SLC18A2: variants seen among roughly 807,000 people sequenced by gnomAD.
The protein encoded by SLC18A2 is solute carrier family 18 member A2, also known as synaptic vesicular amine transporter.
Under a neutral mutation model 59.2 loss-of-function variants are expected in SLC18A2, and 33 were observed. That is an observed-to-expected ratio of 0.56 (90% confidence interval 0.42 to 0.75). SLC18A2 has a LOEUF of 0.75. Ranked by LOEUF, SLC18A2 falls within the 30% of genes least tolerant of loss-of-function variation. SLC18A2 has a pLI of 0.00. For missense variants in SLC18A2, 569 were observed against 668.6 expected, an observed-to-expected ratio of 0.85 and a Z score of 1.64; for synonymous variants, 228 against 253.5, an observed-to-expected ratio of 0.90 and a Z score of 0.95.
intron 9 of SLC18A2, among the ~76,000 whole-genome samples, chr10:117,256,536 A>G (rs1844233197): frequency 6.6e-6 from 1 of 152,190 alleles, no homozygotes; most frequent in African/African-American, 2.4e-5. Flanking sequence ...GCCTGGGAGA[A>G]CTGGGCACCA....
In SLC18A2 at chr10:117,260,148, C is replaced by T. The variant is rs552515609; in HGVS notation, c.991+2256C>T. ...TTGTTATTGCAAAAACACCCTCCCA[C>T]CATGTTCCTGTTTCAGCCTCTTGTG... is the stretch of plus-strand genomic sequence containing the variant. On this transcript the variant is annotated intron_variant, in intron 10 of 15. Transcript: ENST00000644641. 3.3e-5 allele frequency among the ~76,000 whole-genome samples: 5 copies of T among 152,330 alleles called. No individual in the cohort carries two copies. In the South Asian group the frequency reaches 1.0e-3, roughly 32 times the overall value.
chr10:117,241,980 G>C (rs1397053251), intron 2 of SLC18A2, 166 bp downstream of exon 2: 2 of 610,506 alleles, frequency 3.3e-6, no homozygotes, highest in Non-Finnish European at 2.7e-6. Context: ...GCCGGGGCTA[G>C]GAGGAGCCGC....
chr10:117,252,305 C>T (rs560978125), intron 3 of SLC18A2, among the ~76,000 whole-genome samples: 2 of 151,796 alleles, frequency 1.3e-5, no homozygotes, highest in African/African-American at 4.8e-5. Context: ...TTTATTAAAG[C>T]CTGGAATGGA....
chr10:117,265,642 C>G (rs1198074749), intron 10 of SLC18A2, among the ~76,000 whole-genome samples: 2 of 152,100 alleles, frequency 1.3e-5, no homozygotes, highest in Non-Finnish European at 2.9e-5. Flanking sequence ...GTGGACAATT[C>G]CCCTGTAGCC....
At chr10:117,242,051 GAAC>G in intron 2 of SLC18A2, 1 of 398,626 alleles carries the variant, frequency 2.5e-6, no homozygotes, top group African/African-American at 2.1e-5. Context: ...ATAAGACCCA[GAAC>G]TTATGTTTCC....
intron 5 of SLC18A2, 66 bp from the exon 6 acceptor site, chr10:117,254,339 G>T: frequency 7.3e-7 from 1 of 1,378,630 alleles, no homozygotes; most frequent in South Asian, 1.3e-5. Flanking sequence ...GAGGGAAGGC[G>T]AGTCACGCAT....
At chr10:117,274,331 G>A (rs1844460831) in intron 15 of SLC18A2, among the ~76,000 whole-genome samples, 1 of 152,174 alleles carries the variant, frequency 6.6e-6, no homozygotes, top group Non-Finnish European at 1.5e-5. Context: ...AGTTAAGTAT[G>A]CATGATGCCA....
In SLC18A2 at chr10:117,257,912, CTTCTGATTCAAGAGCA is replaced by C; in HGVS notation, c.991+23_991+38del. On this transcript the variant is annotated intron_variant, in intron 10 of 15. Coordinates refer to ENST00000644641, the MANE Select transcript of SLC18A2 (RefSeq NM_003054.6). ...AGCTGGGTAAGGACTGGGGTGGGCT[CTTCTGATTCAAGAGCA>C]TTTGTCCCCAGGGCAGCCTTTGTCC... is the stretch of plus-strand genomic sequence containing the variant. 1 of 1,556,482 alleles carries C rather than the reference CTTCTGATTCAAGAGCA, an allele frequency of 6.4e-7. No homozygotes were observed.
intron 15 of SLC18A2, among the ~76,000 whole-genome samples, chr10:117,276,787 G>A (rs898897139): frequency 3.9e-5 from 6 of 152,070 alleles, no homozygotes; most frequent in African/African-American, 1.4e-4. Context: ...TTGCTACAAT[G>A]ACGTCTGTAA....
chr10:117,257,513 T>C (rs1844243888), intron 9 of SLC18A2, among the ~76,000 whole-genome samples: 1 of 152,120 alleles, frequency 6.6e-6, no homozygotes, highest in Non-Finnish European at 1.5e-5. Context: ...CCTTTCTTCA[T>C]TGATAAAACC....
rs2283141 is a variant in SLC18A2 at position 117,259,870 on chromosome 10, A to G, written c.991+1978A>G. Among the ~76,000 whole-genome samples, 703 of 152,324 alleles carry G rather than the reference A, an allele frequency of 4.6e-3. 37 individuals carry two copies. In the East Asian group the frequency reaches 0.12, roughly 26 times the overall value. The stretch of plus-strand genomic sequence containing the variant: ...CCTTTCACTTGGGGAACCCCATGTT[A>G]CAATTCTGGGGAGACTCTTTGTATT... On this transcript the variant is annotated intron_variant, in intron 10 of 15. Coordinates refer to ENST00000644641, the MANE Select transcript of SLC18A2 (RefSeq NM_003054.6).
At chr10:117,267,462 T>C in intron 12 of SLC18A2, 1 of 466,468 alleles carries the variant, frequency 2.1e-6, no homozygotes, top group Non-Finnish European at 3.9e-6. Context: ...GGTGACAAGT[T>C]TTTCATGGTG....
intron 3 of SLC18A2, among the ~76,000 whole-genome samples, chr10:117,251,585 T>A (rs1042884957): frequency 6.6e-6 from 1 of 152,234 alleles, no homozygotes; most frequent in Non-Finnish European, 1.5e-5. Context: ...GGACTGACTG[T>A]CTGGGAATCT....
At chr10:117,267,790 G>GAACCCTTCCTA in intron 13 of SLC18A2, 54 bp downstream of exon 13, 2 of 1,370,262 alleles carry the variant, frequency 1.5e-6, no homozygotes, top group Non-Finnish European at 2.1e-6. Context: ...CACTAGGAAG[G>GAACCCTTCCTA]GTTCTTCTTC....
chr10:117,248,410 AT>A (rs1349197222), intron 3 of SLC18A2, among the ~76,000 whole-genome samples: 1 of 152,200 alleles, frequency 6.6e-6, no homozygotes, highest in Non-Finnish European at 1.5e-5. Context: ...TCTGCTGAAA[AT>A]ATATGACCAG....
intron 10 of SLC18A2, among the ~76,000 whole-genome samples, chr10:117,264,243 T>C (rs1023485063): frequency 2.0e-5 from 3 of 152,236 alleles, no homozygotes; most frequent in Non-Finnish European, 4.4e-5. Context: ...GGAGGGTTCC[T>C]GCCATGGCCC....
chr10:117,250,172 T>C (rs1844146638), intron 3 of SLC18A2, among the ~76,000 whole-genome samples: 1 of 151,728 alleles, frequency 6.6e-6, no homozygotes, highest in Non-Finnish European at 1.5e-5. Context: ...TCCCAGGGAG[T>C]CTTCTTTGCC....
intron 10 of SLC18A2, among the ~76,000 whole-genome samples, chr10:117,264,031 C>A (rs1421769478): frequency 1.3e-5 from 2 of 152,210 alleles, no homozygotes; most frequent in East Asian, 1.9e-4. Flanking sequence ...TTGGAGGAAA[C>A]CCAAGGTCTC....
In SLC18A2 at chr10:117,244,268, C is replaced by T. The variant is rs751483090; in HGVS notation, c.419C>T (p.Thr140Ile). 1.9e-6 allele frequency: 3 copies of T among 1,614,064 alleles called. No individual in the cohort carries two copies. The highest frequency in any genetic ancestry group is 1.7e-5 in the Admixed American group (1 of 59,992). The part of the protein sequence containing the change: ...QVGLLFASKA[T>I]VQLITNPFIG... ...GGTCTGTTGTTTGCCTCGAAAGCCA[C>T]CGTCCAGCTCATCACCAACCCTTTC... The change falls in exon 3 of 16, where the codon ACC (threonine) becomes ATC (isoleucine). Residue 140 changes from threonine (T) to isoleucine (I), a missense_variant. This residue lies in a region of SLC18A2 where 377 missense variants were observed against 389.8 expected (regional missense o/e 0.97). Coordinates refer to ENST00000644641, the MANE Select transcript of SLC18A2 (RefSeq NM_003054.6).
Sources: gnomAD v4.1 joint callset for allele counts (sites outside exome capture counted in the v4.1 genomes callset) on GRCh38, gnomAD v4.1.1 for gene constraint, gnomAD v4.1.1 regional missense constraint, MANE v1.5 for transcripts, NCBI Gene and HGNC (gene_info 2026-07-23, HGNC 2026-07-21) for gene names.